MALRD1: variants seen among roughly 807,000 people sequenced by gnomAD.
The protein encoded by MALRD1 is MAM and LDL receptor class A domain containing 1, also known as MAM and LDL-receptor class A domain-containing protein 1.
A neutral mutation model predicts 242.1 loss-of-function variants in MALRD1; 247 were observed. The ratio of observed to expected loss-of-function variants is 1.02; its 90% confidence interval spans 0.92 to 1.13. MALRD1 has a LOEUF of 1.13. Ranked by LOEUF, MALRD1 falls within the 50% of genes most tolerant of loss-of-function variation. MALRD1 has a pLI of 0.00. For missense variants in MALRD1, 2,989 were observed against 2,533.1 expected (o/e 1.18, Z -3.86); for synonymous variants, 995 against 866.6 (o/e 1.15, Z -2.60).
At chr10:19,131,874 A>G (rs1833123138) in intron 8 of MALRD1, among the ~76,000 whole-genome samples, 1 of 152,212 alleles carries the variant, frequency 6.6e-6, no homozygotes, top group South Asian at 2.1e-4. Flanking sequence ...GCTGAGTTGG[A>G]GATTTCTTTT....
chr10:19,421,146 C>A (rs950780672), intron 28 of MALRD1, among the ~76,000 whole-genome samples: 2 of 152,174 alleles, frequency 1.3e-5, no homozygotes, highest in African/African-American at 4.8e-5. Flanking sequence ...TTCAAATCAG[C>A]CAAAACAACA....
chr10:19,392,316 T>C (rs1367576895), intron 28 of MALRD1, among the ~76,000 whole-genome samples: 2 of 152,180 alleles, frequency 1.3e-5, no homozygotes, highest in African/African-American at 4.8e-5. Flanking sequence ...AATCCAAGTA[T>C]GTCTGGGTCC....
At chr10:19,570,211 C>T (rs1464609505) in intron 33 of MALRD1, among the ~76,000 whole-genome samples, 1 of 152,004 alleles carries the variant, frequency 6.6e-6, no homozygotes, top group Non-Finnish European at 1.5e-5. Context: ...AGTCTTAAGG[C>T]ATAGCTTCTA....
intron 17 of MALRD1, among the ~76,000 whole-genome samples, chr10:19,207,567 C>T (rs2131624151): frequency 6.6e-6 from 1 of 152,254 alleles, no homozygotes; most frequent in Middle Eastern, 3.4e-3. Flanking sequence ...GTGGCAGGAT[C>T]TCTGCTCACT....
intron 36 of MALRD1, among the ~76,000 whole-genome samples, chr10:19,656,594 C>A (rs1265107591): frequency 6.6e-6 from 1 of 151,746 alleles, no homozygotes; most frequent in Non-Finnish European, 1.5e-5. Flanking sequence ...TTTTTTCTGT[C>A]TGACTCAAAT....
intron 18 of MALRD1, among the ~76,000 whole-genome samples, chr10:19,217,477 G>A (rs1389375383): frequency 6.6e-6 from 1 of 151,240 alleles, no homozygotes; most frequent in Non-Finnish European, 1.5e-5. Context: ...TATGCCTTTG[G>A]GGATTAGCTG....
intron 36 of MALRD1, among the ~76,000 whole-genome samples, chr10:19,691,206 G>A (rs1842804674): frequency 6.6e-6 from 1 of 152,050 alleles, no homozygotes; most frequent in South Asian, 2.1e-4. Context: ...TTGAATTGCA[G>A]AAACGTTAAA....
intron 36 of MALRD1, among the ~76,000 whole-genome samples, chr10:19,632,986 C>A (rs1057140024): frequency 1.3e-5 from 2 of 152,090 alleles, no homozygotes; most frequent in Non-Finnish European, 2.9e-5. Context: ...AATCCCAACA[C>A]TTTGGGAGGC....
chr10:19,088,360 C>T (rs916097420), intron 4 of MALRD1, among the ~76,000 whole-genome samples, 175 bp downstream of exon 4: 3 of 151,778 alleles, frequency 2.0e-5, no homozygotes, highest in Non-Finnish European at 4.4e-5. Flanking sequence ...GGCTAGTCAC[C>T]CTAAAAGACA....
chr10:19,270,613 A>C (rs1177640059), intron 19 of MALRD1, among the ~76,000 whole-genome samples: 1 of 152,136 alleles, frequency 6.6e-6, no homozygotes, highest in African/African-American at 2.4e-5. Flanking sequence ...CAAGATGGAG[A>C]GAAAGGGGAG....
intron 21 of MALRD1, among the ~76,000 whole-genome samples, chr10:19,293,224 A>AT (rs1841532604): frequency 6.6e-6 from 1 of 152,200 alleles, no homozygotes; most frequent in Admixed American, 6.5e-5. Flanking sequence ...TTTTAGTGCA[A>AT]TAAAAAGCAA....
At chr10:19,208,116 G>A (rs754588371) in intron 17 of MALRD1, among the ~76,000 whole-genome samples, 1 of 151,706 alleles carries the variant, frequency 6.6e-6, no homozygotes, top group South Asian at 2.1e-4. Flanking sequence ...GTTGGTTGTG[G>A]GTTAGTGTAA....
At chr10:19,684,838 A>G (rs2131803753) in intron 36 of MALRD1, among the ~76,000 whole-genome samples, 1 of 152,348 alleles carries the variant, frequency 6.6e-6, no homozygotes. Flanking sequence ...CGAATCTGGA[A>G]TATATTCCAA....
At chr10:19,143,014 T>A (rs1833604911) in intron 10 of MALRD1, among the ~76,000 whole-genome samples, 1 of 152,246 alleles carries the variant, frequency 6.6e-6, no homozygotes, top group Admixed American at 6.5e-5. Context: ...TCACCAAGGT[T>A]CTTACAGAGG....
intron 38 of MALRD1, chr10:19,724,859 A>G (rs979878471): frequency 1.3e-5 from 2 of 152,202 alleles, no homozygotes; most frequent in Non-Finnish European, 2.9e-5. Flanking sequence ...ACTAGAGCAA[A>G]TAAACAAATT....
chr10:19,458,531 A>G (rs890138768), intron 29 of MALRD1, among the ~76,000 whole-genome samples: 1 of 152,160 alleles, frequency 6.6e-6, no homozygotes, highest in Non-Finnish European at 1.5e-5. Context: ...TGATTTATAA[A>G]CAGATGCTGT....
chr10:19,116,206 T>C (rs747104945), intron 5 of MALRD1, among the ~76,000 whole-genome samples: 6 of 152,228 alleles, frequency 3.9e-5, no homozygotes, highest in Non-Finnish European at 8.8e-5. Context: ...TAACACTGAT[T>C]CTTAAAGAAA....
chr10:19,176,366 C>CT (rs11443184), intron 14 of MALRD1, among the ~76,000 whole-genome samples: 12,535 of 87,264 alleles, frequency 0.14, 2,899 homozygotes, highest in East Asian at 0.27. Flanking sequence ...TTTCTGGGTG[C>CT]TTTTTTTTTT....
intron 21 of MALRD1, among the ~76,000 whole-genome samples, chr10:19,315,629 A>AT (rs1842664437): frequency 8.5e-6 from 1 of 118,024 alleles, no homozygotes; most frequent in Non-Finnish European, 1.6e-5. Flanking sequence ...TAAATTATAA[A>AT]TATTATTTAT....
Sources: gnomAD v4.1 joint callset for allele counts (sites outside exome capture counted in the v4.1 genomes callset) on GRCh38, gnomAD v4.1.1 for gene constraint, MANE v1.5 for transcripts, NCBI Gene and HGNC (gene_info 2026-07-23, HGNC 2026-07-21) for gene names.